ASH1L: variants seen among roughly 807,000 people sequenced by gnomAD.
ASH1L encodes the protein histone-lysine N-methyltransferase ASH1L.
A neutral mutation model predicts 269.0 loss-of-function variants in ASH1L; 23 were observed. The observed-to-expected ratio is 0.09, with a 90% confidence interval of 0.06 to 0.12. The LOEUF (loss-of-function observed/expected upper bound fraction) is 0.12. ASH1L is among the 10% of genes least tolerant of loss of function. The pLI, the probability that ASH1L is intolerant of heterozygous loss-of-function variation, is 1.00. For synonymous variants in ASH1L, 1,187 were observed against 1,253.5 expected (o/e 0.95, Z 1.12); for missense variants, 2,912 against 3,567.8 (o/e 0.82, Z 4.68).
At chr1:155,401,022 G>A (rs773929256) in intron 6 of ASH1L, among the ~76,000 whole-genome samples, 2 of 151,974 alleles carry the variant, frequency 1.3e-5, no homozygotes, top group East Asian at 1.9e-4. Flanking sequence ...TTAGTAGGGC[G>A]TAGTGGTGTA....
chr1:155,365,170 T>A (rs893984171), intron 12 of ASH1L, among the ~76,000 whole-genome samples: 1 of 152,088 alleles, frequency 6.6e-6, no homozygotes, highest in Non-Finnish European at 1.5e-5. Context: ...GGAAATAGAC[T>A]GCAACACTGA....
intron 1 of ASH1L, among the ~76,000 whole-genome samples, chr1:155,540,712 C>A (rs982312863): frequency 6.6e-6 from 1 of 151,046 alleles, no homozygotes; most frequent in Non-Finnish European, 1.5e-5. Context: ...AAGGCTGCAG[C>A]GAGCTAAGAT....
Position 155,438,547 on chromosome 1 carries a change from C to A in ASH1L, c.5608G>T (p.Ala1870Ser). Residue 1870 changes from alanine (A) to serine (S), a missense_variant, in exon 5 of 28, where the codon GCT (alanine) becomes TCT (serine). Ala to Ser is a moderately conservative substitution (Grantham distance 99). Transcript: ENST00000392403. The stretch of plus-strand genomic sequence containing the variant: ...TTCAATTCTGGGTTGACAAACTGAG[C>A]AGCCTGGAATGCTTGCATTGATACG... Reference protein sequence around the residue: ...AVVSMQAFQAAQFVNPELNRD... With the variant: ...AVVSMQAFQASQFVNPELNRD... 6.2e-7 allele frequency: 1 copy of A among 1,613,432 alleles called. No homozygotes were observed. Among genetic ancestry groups the A allele is most frequent in the South Asian group, 1.1e-5 (1 of 90,906 alleles).
At chr1:155,378,984 G>A (rs1318077481) in intron 8 of ASH1L, among the ~76,000 whole-genome samples, 1 of 151,712 alleles carries the variant, frequency 6.6e-6, no homozygotes, top group Non-Finnish European at 1.5e-5. Context: ...TTCAGGTTGA[G>A]AATTATAGGA....
intron 22 of ASH1L, 135 bp downstream of exon 22, chr1:155,344,048 C>T (rs181628419): frequency 1.3e-6 from 1 of 742,850 alleles, no homozygotes; most frequent in African/African-American, 1.8e-5. Flanking sequence ...AGCACAAGGA[C>T]TACAGATATA....
intron 10 of ASH1L, among the ~76,000 whole-genome samples, chr1:155,377,289 T>A (rs1452784526): frequency 6.6e-6 from 1 of 152,154 alleles, no homozygotes; most frequent in African/African-American, 2.4e-5. Context: ...GAAGAGCATA[T>A]CCCCTATATG....
At chr1:155,347,591 T>G (rs1410321251) in intron 20 of ASH1L, 65 bp downstream of exon 20, 5 of 1,596,492 alleles carry the variant, frequency 3.1e-6, no homozygotes, top group Non-Finnish European at 4.3e-6. Context: ...GGCATGGGCT[T>G]CTTCTTTGAA....
At position 155,482,137 on chromosome 1, in the gene ASH1L, T is replaced by C. The variant is rs1570945230; in HGVS notation, c.733A>G (p.Thr245Ala). ...AAATCCTTGCTAACCAATCCTGCTGTAGTGCCAGTTCCTAACTTCTTCGGT... is the reference window on the plus strand; with the variant it reads ...AAATCCTTGCTAACCAATCCTGCTGCAGTGCCAGTTCCTAACTTCTTCGGT... ...TKPKKLGTGTTAGLVSKDLIR... is the reference protein window; with the variant it reads ...TKPKKLGTGTAAGLVSKDLIR... Residue 245 changes from threonine (T) to alanine (A), a missense_variant, in exon 3 of 28, where the codon ACA (threonine) becomes GCA (alanine). By Grantham distance (58) the Thr-to-Ala change is moderately conservative. This residue lies in a region of ASH1L where 277 missense variants were observed against 367.7 expected (regional missense o/e 0.75). Coordinates refer to ENST00000392403, the MANE Select transcript of ASH1L (RefSeq NM_018489.3). 3.1e-6 allele frequency: 5 copies of C among 1,614,198 alleles called. No homozygotes were observed. The highest frequency in any genetic ancestry group is 4.2e-6 in the Non-Finnish European group (5 of 1,180,020).
intron 10 of ASH1L, among the ~76,000 whole-genome samples, chr1:155,375,293 G>T (rs1656337784): frequency 6.6e-6 from 1 of 152,104 alleles, no homozygotes; most frequent in Non-Finnish European, 1.5e-5. Context: ...AGAGTTCAAG[G>T]CATTGAAATA....
At chr1:155,472,620 A>G (rs1665185889) in intron 3 of ASH1L, among the ~76,000 whole-genome samples, 1 of 152,152 alleles carries the variant, frequency 6.6e-6, no homozygotes, top group South Asian at 2.1e-4. Flanking sequence ...TACAACACAC[A>G]ACAGAAAACA....
intron 4 of ASH1L, among the ~76,000 whole-genome samples, chr1:155,452,079 C>A (rs984971177): frequency 1.3e-5 from 2 of 149,446 alleles, no homozygotes; most frequent in African/African-American, 4.9e-5. Flanking sequence ...CACTCTGTCA[C>A]CCAGGCTAGA....
chr1:155,437,269 C>T (rs1662178656), intron 5 of ASH1L, among the ~76,000 whole-genome samples: 1 of 152,014 alleles, frequency 6.6e-6, no homozygotes, highest in African/African-American at 2.4e-5. Flanking sequence ...AACCAAATAG[C>T]CCAATCAAAA....
In ASH1L at chr1:155,456,634, T is replaced by C. The variant is rs116148663; in HGVS notation, c.5086+3163A>G. 3.1e-3 allele frequency among the ~76,000 whole-genome samples: 478 copies of C among 152,280 alleles called. 3 individuals carry two copies. Among genetic ancestry groups the C allele is most frequent in the African/African-American group, 0.011 (460 of 41,560 alleles). ...TCACTGCCAAATTCAAGTTCATATATATACTGGTAGATCTCTACCACAGAT... is the reference window on the plus strand; with the variant it reads ...TCACTGCCAAATTCAAGTTCATATACATACTGGTAGATCTCTACCACAGAT... On this transcript the variant is annotated intron_variant, in intron 4 of 27. Transcript: ENST00000392403.
rs1279186667 is a variant in ASH1L at position 155,360,301 on chromosome 1, C to T, written c.6795G>A (p.Gln2265=). 1 of 1,592,816 alleles carries T rather than the reference C, an allele frequency of 6.3e-7. No individual in the cohort carries two copies. The highest frequency in any genetic ancestry group is 8.6e-7 in the Non-Finnish European group (1 of 1,160,794). Residue 2265 remains glutamine (Q), a splice_region_variant and synonymous_variant, in exon 13 of 28, where the codon CAG becomes CAA. Transcript: ENST00000392403. ...TCCCTCTAGGATTTATTATTCTTAC[C>T]TGTTTTTCCACATTGAAGGAATGAA... The part of the protein sequence containing the change: ...YNFHSFNVEK[Q]QLCKCGFEKC...
intron 21 of ASH1L, 78 bp downstream of exon 21, chr1:155,346,305 G>A: frequency 6.4e-7 from 1 of 1,560,140 alleles, no homozygotes; most frequent in Non-Finnish European, 8.8e-7. Context: ...ATTCTGCAAA[G>A]CAGGAGCAGG....
intron 8 of ASH1L, among the ~76,000 whole-genome samples, chr1:155,379,666 T>C (rs1281572809): frequency 6.6e-6 from 1 of 152,182 alleles, no homozygotes; most frequent in Non-Finnish European, 1.5e-5. Flanking sequence ...AATTTCAAAC[T>C]GATAAGAAGG....
At chr1:155,339,436 C>A (rs1283351387) in intron 25 of ASH1L, 68 bp from the exon 26 acceptor site, 27 of 1,483,502 alleles carry the variant, frequency 1.8e-5, no homozygotes, top group Non-Finnish European at 2.4e-5. Context: ...TCTCTGGGGC[C>A]AGTCAGGATA....
intron 2 of ASH1L, among the ~76,000 whole-genome samples, chr1:155,516,221 G>T (rs1245891832): frequency 1.3e-5 from 2 of 151,774 alleles, no homozygotes; most frequent in Non-Finnish European, 2.9e-5. Context: ...TTAAAAATAT[G>T]AAAAAAATTA....
At chr1:155,540,498 A>G (rs1182374966) in intron 1 of ASH1L, among the ~76,000 whole-genome samples, 1 of 152,164 alleles carries the variant, frequency 6.6e-6, no homozygotes, top group African/African-American at 2.4e-5. Flanking sequence ...AGCTGGGTGC[A>G]GTTACTCAAA....
Sources: gnomAD v4.1 joint callset for allele counts (sites outside exome capture counted in the v4.1 genomes callset) on GRCh38, gnomAD v4.1.1 for gene constraint, gnomAD v4.1.1 regional missense constraint, MANE v1.5 for transcripts, NCBI Gene and HGNC (gene_info 2026-07-23, HGNC 2026-07-21) for gene names.